Variants in PCDHA10 observed in about 807,000 individuals in gnomAD.
PCDHA10 encodes protocadherin alpha 10.
Under a neutral mutation model 61.2 loss-of-function variants are expected in PCDHA10, and 45 were observed. The observed-to-expected ratio is 0.74, with a 90% CI of 0.58 to 0.94. The LOEUF (loss-of-function observed/expected upper bound fraction) is 0.94, where lower values mean the gene tolerates loss of function less well. Among genes scored for constraint, PCDHA10 ranks in the 40% least tolerant of loss-of-function variants. The probability of loss-of-function intolerance (pLI) is 0.00; values close to 1 mark genes in which losing one functional copy is unlikely to be tolerated. For missense variants in PCDHA10, 1,278 were observed against 1,236.2 expected, an observed-to-expected ratio of 1.03 and a Z score of -0.51; for synonymous variants, 602 against 548.8, an observed-to-expected ratio of 1.10 and a Z score of -1.35.
chr5:140,962,389 G>A (rs551530521), intron 1 of PCDHA10, among the ~76,000 whole-genome samples: 3 of 152,170 alleles, frequency 2.0e-5, no homozygotes, highest in African/African-American at 4.8e-5. Context: ...TTAATATTAC[G>A]CAATCTGCCC....
At chr5:140,901,539 A>G (rs192107124) in intron 1 of PCDHA10, among the ~76,000 whole-genome samples, 2 of 152,070 alleles carry the variant, frequency 1.3e-5, no homozygotes, top group East Asian at 1.9e-4. Context: ...TTGGTTCTCT[A>G]TTCTGTTCCA....
intron 3 of PCDHA10, among the ~76,000 whole-genome samples, chr5:140,984,769 C>T (rs145432187): frequency 1.3e-5 from 2 of 152,194 alleles, no homozygotes; most frequent in African/African-American, 2.4e-5. Context: ...TAATCCCAAG[C>T]TTACTTGCTG....
At chr5:140,885,267 C>T (rs1448375746) in intron 1 of PCDHA10, among the ~76,000 whole-genome samples, 1 of 151,978 alleles carries the variant, frequency 6.6e-6, no homozygotes, top group Non-Finnish European at 1.5e-5. Flanking sequence ...ATTACTCATA[C>T]ATATATATAT....
Position 140,916,977 on chromosome 5 carries a change from T to A in PCDHA10, c.2388+58541T>A, listed in dbSNP as rs569550595. Among the ~76,000 whole-genome samples the A allele has an allele frequency of 2.6e-5, 4 of 152,302 alleles. No individual in the cohort carries two copies. In the South Asian group the frequency reaches 8.3e-4, roughly 32 times the overall value. On this transcript the variant is annotated intron_variant, in intron 1 of 3. Transcript: ENST00000307360. ...AGTTCTGACTGCTGGGATGAGTGAT[T>A]CGCCTCTGGCCAGGCCTGTTCCAAA...
At chr5:140,938,878 C>T (rs1324581693) in intron 1 of PCDHA10, among the ~76,000 whole-genome samples, 3 of 151,098 alleles carry the variant, frequency 2.0e-5, no homozygotes, top group Admixed American at 1.3e-4. Context: ...TAAGAAGCAA[C>T]ACACACACAC....
intron 1 of PCDHA10, among the ~76,000 whole-genome samples, chr5:140,972,811 G>A (rs1458279738): frequency 2.6e-5 from 4 of 151,876 alleles, no homozygotes; most frequent in African/African-American, 4.8e-5. Flanking sequence ...TTACAGGCAC[G>A]CGCCACCACG....
At chr5:140,878,725 A>G (rs1230048195) in intron 1 of PCDHA10, among the ~76,000 whole-genome samples, 1 of 152,252 alleles carries the variant, frequency 6.6e-6, no homozygotes, top group African/African-American at 2.4e-5. Flanking sequence ...TAAAATTTCC[A>G]GCCTTATATC....
chr5:140,913,965 A>G (rs1228834396), intron 1 of PCDHA10, among the ~76,000 whole-genome samples: 7 of 152,300 alleles, frequency 4.6e-5, no homozygotes, highest in Admixed American at 2.6e-4. Flanking sequence ...ATTTTTAAAA[A>G]AATATTTTAG....
At chr5:140,904,176 C>T (rs782427504) in intron 1 of PCDHA10, among the ~76,000 whole-genome samples, 31 of 152,098 alleles carry the variant, frequency 2.0e-4, no homozygotes, top group African/African-American at 6.7e-4. Context: ...TTTTATTCCT[C>T]ACCCCCTTCC....
chr5:140,926,170 C>G (rs558750358), intron 1 of PCDHA10, among the ~76,000 whole-genome samples: 1 of 151,736 alleles, frequency 6.6e-6, no homozygotes. Flanking sequence ...CAGGATCCAG[C>G]GCGGAAAGCC....
intron 3 of PCDHA10, among the ~76,000 whole-genome samples, chr5:141,009,108 A>G (rs529319870): frequency 5.3e-5 from 8 of 152,346 alleles, no homozygotes; most frequent in African/African-American, 1.9e-4. Context: ...TGTTACTATG[A>G]AACTAGATTC....
intron 1 of PCDHA10, chr5:140,869,678 T>A: frequency 1.9e-6 from 3 of 1,613,496 alleles, no homozygotes; most frequent in East Asian, 4.5e-5. Flanking sequence ...ATTAAAAGAC[T>A]GTCACTTATT....
chr5:141,008,299 C>G (rs1223779122), intron 3 of PCDHA10, among the ~76,000 whole-genome samples: 9 of 152,238 alleles, frequency 5.9e-5, no homozygotes, highest in Non-Finnish European at 1.2e-4. Context: ...TGTACCCAAC[C>G]CTAAACTGTA....
chr5:140,966,862 G>T (rs782810195), intron 1 of PCDHA10: 1 of 1,562,198 alleles, frequency 6.4e-7, no homozygotes. Context: ...TGCTGCTGTT[G>T]CTGCTGCTGC....
rs2098414886 is a variant in PCDHA10, at chr5:141,009,848, A to T, written c.2758A>T (p.Thr920Ser). 7 of 1,614,012 alleles carry T rather than the reference A, an allele frequency of 4.3e-6. No homozygotes were observed. Among genetic ancestry groups the T allele is most frequent in the Non-Finnish European group, 5.1e-6 (6 of 1,180,014 alleles). ...DFITFGKKEE[T>S]KKKKKKKKGN... ...CATAACCTTCGGCAAAAAGGAGGAGACCAAGAAAAAGAAGAAAAAGAAGAA... is the reference window on the plus strand; with the variant it reads ...CATAACCTTCGGCAAAAAGGAGGAGTCCAAGAAAAAGAAGAAAAAGAAGAA... The change falls in exon 4 of 4, where the codon ACC becomes TCC. Residue 920 changes from threonine (T) to serine (S), a missense_variant. Thr to Ser is a moderately conservative substitution (Grantham distance 58). Transcript: ENST00000307360.
intron 1 of PCDHA10, among the ~76,000 whole-genome samples, chr5:140,905,438 C>T (rs182288757): frequency 1.5e-4 from 23 of 152,228 alleles, no homozygotes; most frequent in Non-Finnish European, 2.4e-4. Flanking sequence ...TAACTACAGC[C>T]TTTTAGTATA....
intron 1 of PCDHA10, chr5:140,927,200 A>C (rs2083965383): frequency 6.2e-7 from 1 of 1,613,898 alleles, no homozygotes; most frequent in Non-Finnish European, 8.5e-7. Context: ...GTGCTCGAGG[A>C]CCCGCTGGAG....
intron 1 of PCDHA10, among the ~76,000 whole-genome samples, chr5:140,896,597 G>A (rs577303751): frequency 1.3e-5 from 2 of 151,484 alleles, no homozygotes; most frequent in African/African-American, 4.8e-5. Flanking sequence ...GGCTGGTCTC[G>A]AACTCCTGGT....
At chr5:140,862,646 C>A (rs2047467861) in intron 1 of PCDHA10, 1 of 541,802 alleles carries the variant, frequency 1.8e-6, no homozygotes, top group Admixed American at 1.9e-5. Flanking sequence ...TTCACAGTGT[C>A]CGCGCGGGAC....
Sources: allele counts gnomAD v4.1 joint callset (sites outside exome capture counted in the v4.1 genomes callset), GRCh38; gene constraint gnomAD v4.1.1; transcripts MANE v1.5; gene names NCBI Gene and HGNC (gene_info 2026-07-23, HGNC 2026-07-21).